Variants in PARP15 observed in about 807,000 individuals in gnomAD.
The protein encoded by PARP15 is protein mono-ADP-ribosyltransferase PARP15.
In PARP15, 50 loss-of-function variants were observed where a neutral mutation model predicts 62.1. The ratio of observed to expected loss-of-function variants is 0.81; its 90% confidence interval spans 0.64 to 1.02. The LOEUF is 1.02. PARP15 is among the 50% of genes least tolerant of loss of function. The probability of loss-of-function intolerance (pLI) is 0.00; values close to 1 mark genes in which losing one functional copy is unlikely to be tolerated. For synonymous variants in PARP15, 309 were observed against 293.1 expected, an observed-to-expected ratio of 1.05 and a Z score of -0.55; for missense variants, 820 against 826.5, an observed-to-expected ratio of 0.99 and a Z score of 0.10.
At chr3:122,604,829 C>T (rs1935047046) in intron 1 of PARP15, among the ~76,000 whole-genome samples, 1 of 146,862 alleles carries the variant, frequency 6.8e-6, no homozygotes, top group Non-Finnish European at 1.5e-5. Context: ...CCATTACACT[C>T]CAGCCTGGGT....
At chr3:122,582,178 C>CTT (rs3052709) in intron 1 of PARP15, among the ~76,000 whole-genome samples, 40,864 of 148,956 alleles carry the variant, frequency 0.27, 5,853 homozygotes, top group African/African-American at 0.37. Flanking sequence ...ATGATATTTC[C>CTT]TTTTTTTTTT....
At chr3:122,590,713 G>A (rs1933841086) in intron 1 of PARP15, among the ~76,000 whole-genome samples, 1 of 152,060 alleles carries the variant, frequency 6.6e-6, no homozygotes, top group South Asian at 2.1e-4. Context: ...ATTATGCTAA[G>A]GGAAAGTTCC....
intron 1 of PARP15, among the ~76,000 whole-genome samples, chr3:122,583,195 G>A (rs75894108): frequency 3.0e-5 from 4 of 132,996 alleles, no homozygotes; most frequent in South Asian, 4.8e-4. Flanking sequence ...ATCTCGGCTC[G>A]CTGCAACCTC....
chr3:122,619,449 CTTTTAT>C (rs1365489424), intron 6 of PARP15, among the ~76,000 whole-genome samples: 3 of 152,166 alleles, frequency 2.0e-5, no homozygotes, highest in Non-Finnish European at 4.4e-5. Flanking sequence ...AGTATCAGAA[CTTTTAT>C]TTTTATAGTT....
intron 1 of PARP15, among the ~76,000 whole-genome samples, chr3:122,600,772 G>C (rs1420780507): frequency 1.3e-5 from 2 of 150,000 alleles, no homozygotes; most frequent in Non-Finnish European, 2.9e-5. Context: ...TATTAGTATT[G>C]CCCCCAAATT....
At position 122,608,768 on chromosome 3, in the gene PARP15, CT is replaced by C. The variant is rs200651765; in HGVS notation, c.307-1709del. Among the ~76,000 whole-genome samples the C allele has an allele frequency of 8.4e-3, 1,152 of 137,104 alleles. 8 individuals carry two copies. The highest frequency in any genetic ancestry group is 0.019 in the African/African-American group (715 of 37,846). The allele number at this position is 137,104 out of a possible 152,430, so 89.9% of individuals were successfully genotyped here. A position where few individuals can be genotyped will look rare whatever the true frequency, so the allele number is the denominator to read the frequency against. ...TGATTTAAACATTACAACAAGGTTA[CT>C]TTTTTTTTTTTTTTTTGAGATAGCG... On this transcript the variant is annotated intron_variant, in intron 2 of 11. Coordinates refer to ENST00000464300, the MANE Select transcript of PARP15 (RefSeq NM_001113523.3).
At chr3:122,605,532 T>A (rs1024121371) in intron 1 of PARP15, among the ~76,000 whole-genome samples, 3 of 152,184 alleles carry the variant, frequency 2.0e-5, no homozygotes, top group African/African-American at 7.2e-5. Context: ...ATGTAATAGT[T>A]ATTTTCTATA....
At position 122,635,122 on chromosome 3, in the gene PARP15, C is replaced by G; in HGVS notation, c.1675C>G (p.His559Asp). ...DHKNNERLLF[H>D]GTDADSVPYV... Reference sequence around the variant, plus strand: ...TAAGAATAATGAGAGACTCCTCTTCCATGGGACAGATGCAGACTCAGTGCC... The same window carrying G: ...TAAGAATAATGAGAGACTCCTCTTCGATGGGACAGATGCAGACTCAGTGCC... The change falls in exon 11 of 12, where the codon CAT becomes GAT. Residue 559 changes from histidine to aspartate, a missense_variant. Physicochemically the swap from His to Asp is moderately conservative, Grantham distance 81 (BLOSUM62 -1). Transcript: ENST00000464300. 6.2e-7 allele frequency: 1 copy of G among 1,614,032 alleles called. No homozygotes were observed. Among genetic ancestry groups the G allele is most frequent in the Non-Finnish European group, 8.5e-7 (1 of 1,179,938 alleles).
chr3:122,628,057 A>C (rs1385271895), intron 9 of PARP15, among the ~76,000 whole-genome samples: 1 of 152,110 alleles, frequency 6.6e-6, no homozygotes, highest in African/African-American at 2.4e-5. Flanking sequence ...TTCATCTCTC[A>C]TTCTCTTCTC....
At chr3:122,603,639 G>T (rs1360398334) in intron 1 of PARP15, among the ~76,000 whole-genome samples, 3 of 152,204 alleles carry the variant, frequency 2.0e-5, no homozygotes, top group Non-Finnish European at 4.4e-5. Flanking sequence ...ATGTGACTGA[G>T]AATGTAGCTG....
At chr3:122,596,810 A>G (rs890841587) in intron 1 of PARP15, among the ~76,000 whole-genome samples, 1 of 152,212 alleles carries the variant, frequency 6.6e-6, no homozygotes, top group Non-Finnish European at 1.5e-5. Context: ...GGTGAAGCCA[A>G]AAAGTATCCC....
Position 122,615,843 on chromosome 3 carries a change from C to G in PARP15, c.836C>G (p.Ala279Gly). 6.2e-7 allele frequency: 1 copy of G among 1,612,694 alleles called. No homozygotes were observed. Among genetic ancestry groups the G allele is most frequent in the Non-Finnish European group, 8.5e-7 (1 of 1,178,980 alleles). The change falls in exon 5 of 12, where the codon GCA becomes GGA. Residue 279 changes from alanine (A) to glycine (G), a missense_variant. Around this residue, in one of 3 missense-constraint regions of PARP15, gnomAD observed 731 missense variants for 727.7 expected, o/e 1.00. Coordinates refer to ENST00000464300, the MANE Select transcript of PARP15 (RefSeq NM_001113523.3). ...INPNKARIPM[A>G]GDTQGVVGTV... ...CCCAACAAGGCCAGGATTCCCATGGCAGGAGATACCCAAGGTCTGGTAAAG... is the reference window on the plus strand; with the variant it reads ...CCCAACAAGGCCAGGATTCCCATGGGAGGAGATACCCAAGGTCTGGTAAAG...
chr3:122,583,914 C>T (rs553483163), intron 1 of PARP15, among the ~76,000 whole-genome samples: 40 of 152,234 alleles, frequency 2.6e-4, no homozygotes, highest in Admixed American at 5.2e-4. Context: ...CTTTAGCCTC[C>T]GGTAAGTCCC....
intron 1 of PARP15, among the ~76,000 whole-genome samples, chr3:122,596,852 G>A (rs1483084194): frequency 6.6e-6 from 1 of 152,184 alleles, no homozygotes; most frequent in Non-Finnish European, 1.5e-5. Flanking sequence ...AACACTGGGG[G>A]AAAAGTCAGA....
intron 7 of PARP15, among the ~76,000 whole-genome samples, chr3:122,620,804 G>A (rs1936291511): frequency 1.4e-5 from 2 of 144,650 alleles, no homozygotes; most frequent in African/African-American, 5.7e-5. Context: ...GGCAGGATGG[G>A]ATGGGCAGGG....
chr3:122,633,380 C>A (rs554028745), intron 10 of PARP15, among the ~76,000 whole-genome samples: 1 of 152,252 alleles, frequency 6.6e-6, no homozygotes, highest in South Asian at 2.1e-4. Flanking sequence ...GGAGGAGATA[C>A]CTCGTGGTGT....
At chr3:122,587,436 C>T (rs964770618) in intron 1 of PARP15, among the ~76,000 whole-genome samples, 7 of 152,238 alleles carry the variant, frequency 4.6e-5, no homozygotes, top group African/African-American at 1.4e-4. Flanking sequence ...GTTCCTGTTG[C>T]TCCACATCCT....
At chr3:122,599,432 G>A (rs1379035891) in intron 1 of PARP15, among the ~76,000 whole-genome samples, 1 of 151,096 alleles carries the variant, frequency 6.6e-6, no homozygotes, top group Non-Finnish European at 1.5e-5. Context: ...TTATTAGCTG[G>A]ATAACAATGG....
At chr3:122,599,025 A>C (rs2107501976) in intron 1 of PARP15, among the ~76,000 whole-genome samples, 1 of 152,214 alleles carries the variant, frequency 6.6e-6, no homozygotes, top group African/African-American at 2.4e-5. Context: ...CCTCCTGAGT[A>C]GCTGGGACTT....
Sources: gnomAD v4.1 joint callset for allele counts (sites outside exome capture counted in the v4.1 genomes callset) on GRCh38, gnomAD v4.1.1 for gene constraint, gnomAD v4.1.1 regional missense constraint, MANE v1.5 for transcripts, NCBI Gene and HGNC (gene_info 2026-07-23, HGNC 2026-07-21) for gene names.